USP46: variants seen among roughly 807,000 people sequenced by gnomAD.
USP46 encodes ubiquitin carboxyl-terminal hydrolase 46.
Under a neutral mutation model 44.4 loss-of-function variants are expected in USP46, and 12 were observed. The observed-to-expected ratio is 0.27, with a 90% CI of 0.17 to 0.44. The LOEUF (loss-of-function observed/expected upper bound fraction) is 0.44, where lower values mean the gene tolerates loss of function less well. Ranked by LOEUF, USP46 falls within the 20% of genes least tolerant of loss-of-function variation. The pLI is 1.00. For missense variants in USP46, 248 were observed against 444.8 expected, an observed-to-expected ratio of 0.56 and a Z score of 3.98; for synonymous variants, 155 against 161.5, an observed-to-expected ratio of 0.96 and a Z score of 0.31.
chr4:52,603,527 A>T (rs1449561318), intron 6 of USP46, among the ~76,000 whole-genome samples: 1 of 152,020 alleles, frequency 6.6e-6, no homozygotes, highest in East Asian at 1.9e-4. Context: ...GATAGATTTA[A>T]CTCACAGGAA....
At chr4:52,617,672 T>C (rs1433611741) in intron 4 of USP46, among the ~76,000 whole-genome samples, 1 of 152,162 alleles carries the variant, frequency 6.6e-6, no homozygotes, top group Admixed American at 6.5e-5. Flanking sequence ...TGTGGTTTTT[T>C]TGGGGTGGGG....
chr4:52,632,459 G>A (rs1717867430), intron 1 of USP46, among the ~76,000 whole-genome samples: 1 of 152,108 alleles, frequency 6.6e-6, no homozygotes, highest in Non-Finnish European at 1.5e-5. Context: ...ACCTTCACAG[G>A]CCATCATGGA....
chr4:52,604,557 A>G lies in USP46; in HGVS notation c.666T>C (p.Cys222=). Residue 222 remains cysteine, a synonymous_variant, in exon 6 of 9, where the codon TGT becomes TGC. Coordinates refer to ENST00000441222, the MANE Select transcript of USP46 (RefSeq NM_022832.4). Reference sequence around the variant, plus strand: ...TTTCACAATAATATTTTTGTTCACTACACAGTGTTTCTGTGTTGCTGAAGT... The same window carrying G: ...TTTCACAATAATATTTTTGTTCACTGCACAGTGTTTCTGTGTTGCTGAAGT... ...LRDFSNTETL[C]SEQKYYCETC... 1 of 1,608,274 alleles carries G rather than the reference A, an allele frequency of 6.2e-7. No homozygotes were observed. The highest frequency in any genetic ancestry group is 8.5e-7 in the Non-Finnish European group (1 of 1,178,106).
intron 2 of USP46, among the ~76,000 whole-genome samples, chr4:52,630,601 G>A (rs1406817745): frequency 6.6e-6 from 1 of 152,116 alleles, no homozygotes; most frequent in Non-Finnish European, 1.5e-5. Flanking sequence ...AGCTGGGCAT[G>A]GTGGCGCATG....
In USP46 at chr4:52,597,344, A is replaced by G; in HGVS notation, c.*296T>C. ...AGACATTCATAGGAAATGTCATTCT[A>G]ATACAGCCAGACATAATGAATGGCA... On this transcript the variant is annotated 3_prime_UTR_variant, in exon 9 of 9. Transcript: ENST00000441222. 3.5e-6 allele frequency: 1 copy of G among 289,602 alleles called. No homozygotes were observed. The highest frequency in any genetic ancestry group is 6.4e-6 in the Non-Finnish European group (1 of 156,640). The allele number at this position is 289,602 out of a possible 1,614,324, so 17.9% of individuals were successfully genotyped here.
chr4:52,650,165 C>T (rs970824930), intron 1 of USP46, among the ~76,000 whole-genome samples: 2 of 152,320 alleles, frequency 1.3e-5, no homozygotes, highest in South Asian at 2.1e-4. Context: ...TTCGCTGCAA[C>T]ACTGTTTCCA....
Position 52,613,808 on chromosome 4 carries a change from T to C in USP46, c.562-3191A>G, listed in dbSNP as rs116822523. ...CATTCTCAATGTTCTGAATAAGATC[T>C]AAATTTACACTATGTGACAAATGTC... On this transcript the variant is annotated intron_variant, in intron 4 of 8. Coordinates refer to ENST00000441222, the MANE Select transcript of USP46 (RefSeq NM_022832.4). Among the ~76,000 whole-genome samples, 1,381 of 151,978 alleles carry C rather than the reference T, an allele frequency of 9.1e-3. 11 individuals carry two copies. The highest frequency in any genetic ancestry group is 0.031 in the African/African-American group (1,297 of 41,468).
intron 1 of USP46, among the ~76,000 whole-genome samples, chr4:52,654,268 T>C (rs1718875842): frequency 6.6e-6 from 1 of 152,316 alleles, no homozygotes; most frequent in Admixed American, 6.5e-5. Context: ...CTAGCTGATA[T>C]ATTAACTAAA....
At chr4:52,631,204 T>C (rs1273933328) in intron 1 of USP46, 60 bp from the exon 2 acceptor site, 48 of 1,331,792 alleles carry the variant, frequency 3.6e-5, no homozygotes, top group Non-Finnish European at 4.9e-5. Context: ...AGTAAAATCA[T>C]ACCTAAAAGA....
intron 5 of USP46, among the ~76,000 whole-genome samples, chr4:52,608,710 C>T (rs1207219769): frequency 1.3e-5 from 2 of 152,202 alleles, no homozygotes; most frequent in African/African-American, 4.8e-5. Context: ...GGAACCCAGG[C>T]ATTGTTGTTC....
At chr4:52,616,310 C>G (rs905482050) in intron 4 of USP46, among the ~76,000 whole-genome samples, 4 of 152,194 alleles carry the variant, frequency 2.6e-5, no homozygotes, top group African/African-American at 9.6e-5. Flanking sequence ...ATAGTTCTGA[C>G]ACTAAGAGAT....
Position 52,632,918 on chromosome 4 carries a change from G to GAA in USP46, c.37-1775_37-1774insTT, listed in dbSNP as rs34224846. On this transcript the variant is annotated intron_variant, in intron 1 of 8. Coordinates refer to ENST00000441222, the MANE Select transcript of USP46 (RefSeq NM_022832.4). ...AGGAAGGGAAAGAGAAAGAAAGAAA[G>GAA]AGAAAGAAAGAAAGAAAGAAAGAAA... 7.3e-3 allele frequency among the ~76,000 whole-genome samples: 256 copies of GAA among 35,066 alleles called. 6 individuals are homozygous for GAA. The highest frequency in any genetic ancestry group is 0.013 in the East Asian group (11 of 848). The allele number at this position is 35,066 out of a possible 152,430, so 23.0% of individuals were successfully genotyped here. A position where few individuals can be genotyped will look rare whatever the true frequency, so the allele number is the denominator to read the frequency against.
At chr4:52,658,841 G>A (rs986098854) in intron 1 of USP46, among the ~76,000 whole-genome samples, 5 of 151,852 alleles carry the variant, frequency 3.3e-5, no homozygotes, top group Admixed American at 2.6e-4. Context: ...CGCTTCCACC[G>A]CAACCCGAGG....
chr4:52,655,139 T>C (rs982730707), intron 1 of USP46, among the ~76,000 whole-genome samples: 4 of 152,250 alleles, frequency 2.6e-5, no homozygotes, highest in Non-Finnish European at 2.9e-5. Context: ...TGAAATGTCC[T>C]GTTGTGTTAA....
At chr4:52,635,979 T>C (rs1718099287) in intron 1 of USP46, among the ~76,000 whole-genome samples, 1 of 152,102 alleles carries the variant, frequency 6.6e-6, no homozygotes, top group South Asian at 2.1e-4. Context: ...TCGATGTATA[T>C]AGGCAGAATA....
Position 52,596,928 on chromosome 4 carries a change from CTT to C in USP46, c.*710_*711del, listed in dbSNP as rs1716267839. ...TTTTGGTAGAAAGGTACGAAAATAA[CTT>C]TTCATTGTCCACAAAAACTTCCTCC... On this transcript the variant is annotated 3_prime_UTR_variant, in exon 9 of 9. Transcript: ENST00000441222. 1 of 152,582 alleles carries C rather than the reference CTT, an allele frequency of 6.6e-6. No individual in the cohort carries two copies. Among genetic ancestry groups the C allele is most frequent in the Admixed American group, 6.5e-5 (1 of 15,268 alleles). The allele number at this position is 152,582 out of a possible 1,614,324, so 9.5% of individuals were successfully genotyped here.
chr4:52,612,915 TC>T (rs1217192298), intron 4 of USP46, among the ~76,000 whole-genome samples: 1 of 152,152 alleles, frequency 6.6e-6, no homozygotes, highest in Non-Finnish European at 1.5e-5. Context: ...ACTGTCTGTC[TC>T]CCCCTCGCTA....
chr4:52,625,603 T>A (rs368818421), intron 4 of USP46, among the ~76,000 whole-genome samples: 2 of 151,930 alleles, frequency 1.3e-5, no homozygotes, highest in Admixed American at 6.6e-5. Flanking sequence ...AAAACAGGAG[T>A]CTAGCCTGTC....
chr4:52,628,672 T>A (rs1426392033), intron 2 of USP46, among the ~76,000 whole-genome samples: 1 of 152,228 alleles, frequency 6.6e-6, no homozygotes, highest in Admixed American at 6.5e-5. Flanking sequence ...CATTTTTCAA[T>A]ATTCCAGTAC....
Sources: gnomAD v4.1 joint callset for allele counts (sites outside exome capture counted in the v4.1 genomes callset) on GRCh38, gnomAD v4.1.1 for gene constraint, MANE v1.5 for transcripts, NCBI Gene and HGNC (gene_info 2026-07-23, HGNC 2026-07-21) for gene names.